NLRP2: variants seen among roughly 807,000 people sequenced by gnomAD.
NLRP2 encodes the protein NACHT, LRR and PYD domains-containing protein 2.
A neutral mutation model predicts 97.2 loss-of-function variants in NLRP2; 107 were observed. The ratio of observed to expected loss-of-function variants is 1.10; its 90% CI spans 0.94 to 1.29. The LOEUF (loss-of-function observed/expected upper bound fraction) is 1.29. Among genes scored for constraint, NLRP2 ranks in the 50% most tolerant of loss-of-function variants. The pLI is 0.00. For synonymous variants in NLRP2, 663 were observed against 551.5 expected, an observed-to-expected ratio of 1.20 and a Z score of -2.83; for missense variants, 1,495 against 1,330.3, an observed-to-expected ratio of 1.12 and a Z score of -1.93.
intron 3 of NLRP2, 93 bp from the exon 4 acceptor site, chr19:54,977,659 T>C (rs1568481972): frequency 1.7e-6 from 2 of 1,195,752 alleles, no homozygotes; most frequent in East Asian, 4.6e-5. Flanking sequence ...TAATCTAGGC[T>C]TCACTACTGA....
At chr19:54,967,652 A>AT (rs2070548648) in intron 1 of NLRP2, among the ~76,000 whole-genome samples, 1 of 151,962 alleles carries the variant, frequency 6.6e-6, no homozygotes, top group African/African-American at 2.4e-5. Flanking sequence ...CCAAAAAAAA[A>AT]AATATATTGG....
chr19:54,992,869 A>C (rs940386371), intron 10 of NLRP2, among the ~76,000 whole-genome samples: 3 of 151,480 alleles, frequency 2.0e-5, no homozygotes, highest in Non-Finnish European at 4.4e-5. Flanking sequence ...CCTCAATTCA[A>C]CTTTTTGATC....
At chr19:54,994,591 T>A in intron 11 of NLRP2, 152 bp downstream of exon 11, 1 of 836,942 alleles carries the variant, frequency 1.2e-6, no homozygotes, top group Non-Finnish European at 2.0e-6. Flanking sequence ...GTTAAAGGAA[T>A]AAGTTCTAGT....
chr19:54,997,297 T>A lies in NLRP2; in HGVS notation c.2880-20T>A. On this transcript the variant is annotated intron_variant, in intron 11 of 12. Coordinates refer to ENST00000448584, the MANE Select transcript of NLRP2 (RefSeq NM_017852.5). ...ATCAGCACTGGCTGCATTAACGTGT[T>A]GATTTCTGTGTTTCCCCAGGTTGTG... 1.2e-6 allele frequency: 2 copies of A among 1,612,690 alleles called. No individual in the cohort carries two copies. The highest frequency in any genetic ancestry group is 1.7e-6 in the Non-Finnish European group (2 of 1,179,820).
chr19:54,979,261 A>G (rs1301919514), intron 4 of NLRP2, among the ~76,000 whole-genome samples: 4 of 152,240 alleles, frequency 2.6e-5, no homozygotes, highest in Middle Eastern at 3.4e-3. Flanking sequence ...CTGGGATTAC[A>G]GCTGTGAACC....
chr19:54,997,519 C>T, intron 12 of NLRP2, 32 bp downstream of exon 12: 1 of 1,611,964 alleles, frequency 6.2e-7, no homozygotes, highest in South Asian at 1.1e-5. Context: ...ATCAGGCTTT[C>T]TCCAGAGTGG....
chr19:54,994,488 C>G (rs370474396), intron 11 of NLRP2, 49 bp downstream of exon 11: 3 of 1,589,530 alleles, frequency 1.9e-6, no homozygotes, highest in Non-Finnish European at 2.6e-6. Context: ...CTTACTGAAT[C>G]TGTGGCTAGT....
Position 54,971,995 on chromosome 19 carries a change from A to ATTT in NLRP2, c.280+1718_280+1720dup, listed in dbSNP as rs61335843. On this transcript the variant is annotated intron_variant, in intron 2 of 12. Transcript: ENST00000448584. ...AAGCATGTCCCACCATGCCTGGCTG[A>ATTT]TTTTTTTTTTTTTTTTTTTTGTATT... Among the ~76,000 whole-genome samples the ATTT allele has an allele frequency of 4.5e-3, 529 of 116,390 alleles. 10 individuals carry two copies. Among genetic ancestry groups the ATTT allele is most frequent in the Non-Finnish European group, 6.1e-3 (353 of 58,116 alleles). 76.4% of individuals were successfully genotyped at this position (116,390 alleles called of 152,430 possible). A position where few individuals can be genotyped will look rare whatever the true frequency, so the allele number is the denominator to read the frequency against.
intron 10 of NLRP2, among the ~76,000 whole-genome samples, chr19:54,992,765 G>A (rs960438707): frequency 6.6e-6 from 1 of 151,584 alleles, no homozygotes; most frequent in African/African-American, 2.4e-5. Context: ...CACCATGTTG[G>A]TCAAGCTGGT....
intron 8 of NLRP2, among the ~76,000 whole-genome samples, chr19:54,987,739 CAAA>C (rs146853071): frequency 8.5e-4 from 102 of 120,230 alleles, no homozygotes; most frequent in East Asian, 3.4e-3. Flanking sequence ...GAGACTGTCT[CAAA>C]AAAAAAAAAA....
At position 54,983,424 on chromosome 19, in the gene NLRP2, C is replaced by G. The variant is rs763371878; in HGVS notation, c.1726C>G (p.Arg576Gly). Residue 576 changes from arginine to glycine, a missense_variant, in exon 6 of 13, where the codon CGG (arginine) becomes GGG (glycine). Physicochemically the swap from Arg to Gly is moderately radical, Grantham distance 125 (BLOSUM62 -2). Coordinates refer to ENST00000448584, the MANE Select transcript of NLRP2 (RefSeq NM_017852.5). Reference protein sequence around the residue: ...AKELEATFGCRMSPDIKQELL... With the variant: ...AKELEATFGCGMSPDIKQELL... ...GGAGTTGGAGGCCACTTTTGGCTGC[C>G]GGATGTCACCGGACATCAAACAGGA... is the stretch of plus-strand genomic sequence containing the variant. 6.2e-7 allele frequency: 1 copy of G among 1,614,134 alleles called. No individual in the cohort carries two copies. The highest frequency in any genetic ancestry group is 8.5e-7 in the Non-Finnish European group (1 of 1,180,036).
chr19:54,994,550 T>G, intron 11 of NLRP2, 111 bp downstream of exon 11: 1 of 1,102,358 alleles, frequency 9.1e-7, no homozygotes, highest in Non-Finnish European at 1.4e-6. Context: ...GAGAGGACCT[T>G]TATAGAGTCG....
chr19:54,992,574 G>GTTTTTTTTTTTTTTTTTTTT (rs71181722), intron 10 of NLRP2, among the ~76,000 whole-genome samples: 1 of 94,974 alleles, frequency 1.1e-5, no homozygotes, highest in Non-Finnish European at 2.0e-5. Flanking sequence ...TTTTTTTTTG[G>GTTTTTTTTTTTTTTTTTTTT]TTTTTTTTTT....
At chr19:54,999,109 A>ACCT (rs2073036665) in intron 12 of NLRP2, among the ~76,000 whole-genome samples, 1 of 147,644 alleles carries the variant, frequency 6.8e-6, no homozygotes, top group Admixed American at 6.7e-5. Flanking sequence ...GGCGCCCCTC[A>ACCT]CCTCCCGGAC....
At chr19:54,975,074 T>A in intron 3 of NLRP2, among the ~76,000 whole-genome samples, 1 of 144,756 alleles carries the variant, frequency 6.9e-6, no homozygotes, top group Non-Finnish European at 1.5e-5. Context: ...ATGCTGGGAT[T>A]ATGGGCATGA....
At chr19:54,985,956 C>T (rs561770178) in intron 7 of NLRP2, among the ~76,000 whole-genome samples, 195 bp from the exon 8 acceptor site, 3 of 151,968 alleles carry the variant, frequency 2.0e-5, no homozygotes, top group South Asian at 4.2e-4. Flanking sequence ...GAGCCGAGAT[C>T]GCGCCACTGC....
chr19:54,981,675 A>G lies in NLRP2; in HGVS notation c.456A>G (p.Lys152=), dbSNP rs2071585624. 1 of 1,561,658 alleles carries G rather than the reference A, an allele frequency of 6.4e-7. No homozygotes were observed. Among genetic ancestry groups the G allele is most frequent in the Non-Finnish European group, 8.8e-7 (1 of 1,132,118 alleles). The change falls in exon 5 of 13, where the codon AAA becomes AAG. Residue 152 remains lysine, a synonymous_variant. Transcript: ENST00000448584. ...TGGGTAAAGAAGTCTTTAAAGGAAA[A>G]AAGCCAGGTCTGTACCATATCTTCC... The part of the protein sequence containing the change: ...ICLGKEVFKG[K]KPDKDNRCRY...
At chr19:54,985,734 G>A (rs1328257747) in intron 7 of NLRP2, among the ~76,000 whole-genome samples, 8 of 148,766 alleles carry the variant, frequency 5.4e-5, no homozygotes, top group African/African-American at 1.2e-4. Flanking sequence ...AATGGCTCAC[G>A]CCTGTAGTCC....
chr19:54,977,276 C>A (rs2071297493), intron 3 of NLRP2, among the ~76,000 whole-genome samples: 1 of 151,986 alleles, frequency 6.6e-6, no homozygotes, highest in African/African-American at 2.4e-5. Flanking sequence ...ACAAAATTAG[C>A]CAGGTATGGT....
Sources: gnomAD v4.1 joint callset for allele counts (sites outside exome capture counted in the v4.1 genomes callset) on GRCh38, gnomAD v4.1.1 for gene constraint, MANE v1.5 for transcripts, NCBI Gene and HGNC (gene_info 2026-07-23, HGNC 2026-07-21) for gene names.